The following RFX2 variants were observed in gnomAD, a reference collection of about 807,000 sequenced individuals.
RFX2 encodes DNA-binding protein RFX2.
Under a neutral mutation model 87.8 loss-of-function variants are expected in RFX2, and 20 were observed. The observed-to-expected ratio is 0.23, with a 90% CI of 0.16 to 0.33. The LOEUF (loss-of-function observed/expected upper bound fraction) is 0.33, where lower values mean the gene tolerates loss of function less well. Among genes scored for constraint, RFX2 ranks in the 10% least tolerant of loss-of-function variants. The probability of loss-of-function intolerance (pLI) is 1.00; values close to 1 mark genes in which losing one functional copy is unlikely to be tolerated. For missense variants in RFX2, 767 were observed against 1,012.3 expected, an observed-to-expected ratio of 0.76 and a Z score of 3.29; for synonymous variants, 397 against 431.3, an observed-to-expected ratio of 0.92 and a Z score of 0.98.
chr19:6,058,861 C>T (rs946113053), intron 1 of RFX2, among the ~76,000 whole-genome samples: 1 of 152,154 alleles, frequency 6.6e-6, no homozygotes, highest in Non-Finnish European at 1.5e-5. Context: ...ACCCAGTAGG[C>T]CCTTAAGTCG....
rs1175323338 is a variant in RFX2 at position 5,997,848 on chromosome 19, T to C, written c.1860-635A>G. 6.6e-6 allele frequency among the ~76,000 whole-genome samples: 1 copy of C among 152,126 alleles called. No individual in the cohort carries two copies. Among genetic ancestry groups the C allele is most frequent in the Admixed American group, 6.6e-5 (1 of 15,266 alleles). On this transcript the variant is annotated intron_variant, in intron 15 of 17. Coordinates refer to ENST00000303657, the MANE Select transcript of RFX2 (RefSeq NM_000635.4). The surrounding 1 kb of genome is among the most constrained non-coding windows in gnomAD (Gnocchi z 4.2). ...GGTTGGAAAAAGTCAAAAGAATAAT[T>C]ATATTCGGTGGCACGTGGAAATTAC...
At chr19:6,089,320 C>T (rs147604150) in intron 1 of RFX2, among the ~76,000 whole-genome samples, 2 of 152,262 alleles carry the variant, frequency 1.3e-5, no homozygotes, top group African/African-American at 4.8e-5. Flanking sequence ...ATCTCAGTGG[C>T]GGAGGATGTG....
At chr19:6,067,320 A>G (rs1216557403) in intron 1 of RFX2, among the ~76,000 whole-genome samples, 1 of 152,244 alleles carries the variant, frequency 6.6e-6, no homozygotes, top group African/African-American at 2.4e-5. Flanking sequence ...TCATGTACGT[A>G]TGGAACAAGT....
Position 6,058,558 on chromosome 19 carries a change from G to A in RFX2, c.-8-11054C>T, listed in dbSNP as rs534047155. On this transcript the variant is annotated intron_variant, in intron 1 of 17. Coordinates refer to ENST00000303657, the MANE Select transcript of RFX2 (RefSeq NM_000635.4). ...ACCAAGGGCAACCATCGTTCCCTCC[G>A]TGCCTAAGCCACGGGGGTGCCCGTC... 6.6e-5 allele frequency among the ~76,000 whole-genome samples: 10 copies of A among 151,300 alleles called. No homozygotes were observed. The East Asian group carries it at 1.4e-3, about 21-fold the overall frequency.
intron 1 of RFX2, among the ~76,000 whole-genome samples, chr19:6,107,212 T>TG (rs2088230471): frequency 6.6e-6 from 1 of 151,554 alleles, no homozygotes; most frequent in Non-Finnish European, 1.5e-5. Flanking sequence ...AGGAGAATGG[T>TG]GTAAACCTCG....
chr19:6,049,817 C>T (rs777287094), intron 1 of RFX2, among the ~76,000 whole-genome samples: 2 of 152,210 alleles, frequency 1.3e-5, no homozygotes, highest in African/African-American at 2.4e-5. Context: ...CATAAGCCAC[C>T]GTGCCCAGCC....
Position 6,007,279 on chromosome 19 carries a change from G to A in RFX2, c.1248-113C>T, listed in dbSNP as rs1236276780. The A allele has an allele frequency of 7.1e-6, 8 of 1,128,670 alleles. No individual in the cohort carries two copies. The highest frequency in any genetic ancestry group is 6.2e-5 in the African/African-American group (4 of 64,432). The allele number at this position is 1,128,670 out of a possible 1,614,324, so 69.9% of individuals were successfully genotyped here. A position where few individuals can be genotyped will look rare whatever the true frequency, so the allele number is the denominator to read the frequency against. The stretch of plus-strand genomic sequence containing the variant: ...GACTTTTGCCCAACAGTGGGGCTGG[G>A]GTTTTGCTCCCCATCCCTGAGCCTC... On this transcript the variant is annotated intron_variant, in intron 11 of 17. Coordinates refer to ENST00000303657, the MANE Select transcript of RFX2 (RefSeq NM_000635.4). The surrounding 1 kb of genome is among the most constrained non-coding windows in gnomAD (Gnocchi z 8.2).
rs2086498691 is a variant in RFX2 at position 6,002,181 on chromosome 19, C to T, written c.1651-158G>A. Among the ~76,000 whole-genome samples the T allele has an allele frequency of 1.3e-5, 2 of 152,266 alleles. No individual in the cohort carries two copies. The highest frequency in any genetic ancestry group is 2.9e-5 in the Non-Finnish European group (2 of 68,050). On this transcript the variant is annotated intron_variant, in intron 14 of 17. Coordinates refer to ENST00000303657, the MANE Select transcript of RFX2 (RefSeq NM_000635.4). The surrounding 1 kb of genome is among the most constrained non-coding windows in gnomAD (Gnocchi z 6.7). Reference sequence around the variant, plus strand: ...AAGCCAAGTCCTGTGTCTCCCGTCACAGGGGCAGAATAGAGAGCTGAGGGG... The same window carrying T: ...AAGCCAAGTCCTGTGTCTCCCGTCATAGGGGCAGAATAGAGAGCTGAGGGG...
chr19:6,024,117 G>C lies in RFX2; in HGVS notation c.597+2046C>G, dbSNP rs904989701. ...GACATTTTAACTCTCCCGTGGACTTGCTGCCTGTCCAGGCTCTGCACCCCC... is the reference window on the plus strand; with the variant it reads ...GACATTTTAACTCTCCCGTGGACTTCCTGCCTGTCCAGGCTCTGCACCCCC... On this transcript the variant is annotated intron_variant, in intron 6 of 17. Coordinates refer to ENST00000303657, the MANE Select transcript of RFX2 (RefSeq NM_000635.4). This position sits in a 1 kb window ranked among gnomAD's most constrained non-coding sequence, Gnocchi z 5.0. Among the ~76,000 whole-genome samples, 1 of 152,198 alleles carries C rather than the reference G, an allele frequency of 6.6e-6. No individual in the cohort carries two copies. The highest frequency in any genetic ancestry group is 1.5e-5 in the Non-Finnish European group (1 of 68,042).
Position 5,994,583 on chromosome 19 carries a change from G to A in RFX2, c.*252C>T. The A allele has an allele frequency of 1.9e-6, 1 of 536,192 alleles. No individual in the cohort carries two copies. The highest frequency in any genetic ancestry group is 2.4e-5 in the South Asian group (1 of 41,780). 33.2% of individuals were successfully genotyped at this position (536,192 alleles called of 1,614,324 possible). On this transcript the variant is annotated 3_prime_UTR_variant, in exon 18 of 18. Transcript: ENST00000303657. Reference sequence around the variant, plus strand: ...CAGAATAAGGAACCCATGGTCTGGTGGGGCCCTGGTGGCTGCGCAGGGACC... The same window carrying A: ...CAGAATAAGGAACCCATGGTCTGGTAGGGCCCTGGTGGCTGCGCAGGGACC...
chr19:6,036,366 A>G (rs2087023200), intron 5 of RFX2, among the ~76,000 whole-genome samples: 1 of 152,110 alleles, frequency 6.6e-6, no homozygotes, highest in Non-Finnish European at 1.5e-5. Flanking sequence ...GGGAGGAGGC[A>G]TGGGGCACTA....
Position 6,044,498 on chromosome 19 carries a change from C to A in RFX2, c.91-216G>T, listed in dbSNP as rs1003220876. 5.9e-5 allele frequency among the ~76,000 whole-genome samples: 9 copies of A among 152,250 alleles called. No individual in the cohort carries two copies. The highest frequency in any genetic ancestry group is 1.3e-4 in the Non-Finnish European group (9 of 68,044). On this transcript the variant is annotated intron_variant, in intron 2 of 17. Coordinates refer to ENST00000303657, the MANE Select transcript of RFX2 (RefSeq NM_000635.4). This position sits in a 1 kb window ranked among gnomAD's most constrained non-coding sequence, Gnocchi z 5.3. ...TACGTGCAGGCACACAAACAATGCA[C>A]ATACATACACAAGTGTGCACATACA...
chr19:6,097,221 G>A (rs1041158818), intron 1 of RFX2, among the ~76,000 whole-genome samples: 1 of 152,314 alleles, frequency 6.6e-6, no homozygotes, highest in African/African-American at 2.4e-5. Flanking sequence ...CCCTGGGGAG[G>A]AAGAACGAGC....
At chr19:6,029,741 C>T (rs988386211) in intron 5 of RFX2, among the ~76,000 whole-genome samples, 1 of 152,050 alleles carries the variant, frequency 6.6e-6, no homozygotes, top group African/African-American at 2.4e-5. Flanking sequence ...CAAAAAAACA[C>T]ATGAGAGTGA....
intron 1 of RFX2, chr19:6,078,232 C>A (rs566655141): frequency 6.6e-6 from 1 of 150,604 alleles, no homozygotes; most frequent in Non-Finnish European, 1.5e-5. Flanking sequence ...TTCTTCTTTT[C>A]GGAGTGATGA....
In RFX2 at chr19:5,998,762, G is replaced by C. The variant is rs1210119947; in HGVS notation, c.1860-1549C>G. ...CAGAACATCGCCTGCGGTCACCCCGGTATCTCTGGGTTCCCAAATGGGCTC... is the reference window on the plus strand; with the variant it reads ...CAGAACATCGCCTGCGGTCACCCCGCTATCTCTGGGTTCCCAAATGGGCTC... On this transcript the variant is annotated intron_variant, in intron 15 of 17. Coordinates refer to ENST00000303657, the MANE Select transcript of RFX2 (RefSeq NM_000635.4). This position sits in a 1 kb window ranked among gnomAD's most constrained non-coding sequence, Gnocchi z 4.2. Among the ~76,000 whole-genome samples, 1 of 152,158 alleles carries C rather than the reference G, an allele frequency of 6.6e-6. No homozygotes were observed. The highest frequency in any genetic ancestry group is 2.1e-4 in the South Asian group (1 of 4,830).
rs2086414934 is a variant in RFX2 at position 5,996,520 on chromosome 19, AG to A, written c.2013+539del. Among the ~76,000 whole-genome samples the A allele has an allele frequency of 2.0e-5, 3 of 152,182 alleles. No homozygotes were observed. The South Asian group carries it at 6.2e-4, about 31-fold the overall frequency. Reference sequence around the variant, plus strand: ...GGACAGGCCGATCCACAGAGGCAGGAGGGGGCTGCGTGGGTGCTGTGCTGCA... The same window carrying A: ...GGACAGGCCGATCCACAGAGGCAGGAGGGGCTGCGTGGGTGCTGTGCTGCA... On this transcript the variant is annotated intron_variant, in intron 16 of 17. Transcript: ENST00000303657.
At chr19:6,030,843 G>A (rs2086945137) in intron 5 of RFX2, among the ~76,000 whole-genome samples, 1 of 152,122 alleles carries the variant, frequency 6.6e-6, no homozygotes, top group African/African-American at 2.4e-5. Flanking sequence ...TTACTAATGG[G>A]TATGGTTTTG....
chr19:6,007,968 G>T lies in RFX2; in HGVS notation c.1134+138C>A. The stretch of plus-strand genomic sequence containing the variant: ...AGGCGATGGACATGGATGCGGAGGG[G>T]CTGCTGCTTCAGAGAGGATGCTTGT... On this transcript the variant is annotated intron_variant, in intron 10 of 17. Transcript: ENST00000303657. The surrounding 1 kb of genome is among the most constrained non-coding windows in gnomAD (Gnocchi z 8.2). 2.5e-6 allele frequency: 2 copies of T among 798,194 alleles called. No individual in the cohort carries two copies. Among genetic ancestry groups the T allele is most frequent in the Non-Finnish European group, 4.3e-6 (2 of 467,560 alleles). The allele number at this position is 798,194 out of a possible 1,614,324, so 49.4% of individuals were successfully genotyped here. A position where few individuals can be genotyped will look rare whatever the true frequency, so the allele number is the denominator to read the frequency against.
Sources: allele counts gnomAD v4.1 joint callset (sites outside exome capture counted in the v4.1 genomes callset), GRCh38; gene constraint gnomAD v4.1.1; non-coding constraint Gnocchi (gnomAD v3.1); transcripts MANE v1.5; gene names NCBI Gene and HGNC (gene_info 2026-07-23, HGNC 2026-07-21).